ERBIN: variants seen among roughly 807,000 people sequenced by gnomAD.
The protein encoded by ERBIN is densin-180-like protein.
A neutral mutation model predicts 158.4 loss-of-function variants in ERBIN; 60 were observed. The observed-to-expected ratio is 0.38, with a 90% CI of 0.31 to 0.47. ERBIN has a LOEUF of 0.47. Ranked by LOEUF, ERBIN falls within the 20% of genes least tolerant of loss-of-function variation. The probability of loss-of-function intolerance (pLI) is 0.99; values close to 1 mark genes in which losing one functional copy is unlikely to be tolerated. For synonymous variants in ERBIN, 594 were observed against 557.2 expected (o/e 1.07, Z -0.93); for missense variants, 1,610 against 1,648.0 (o/e 0.98, Z 0.40).
Position 66,074,888 on chromosome 5 carries a change from G to T in ERBIN, c.3757-136G>T. The T allele has an allele frequency of 1.0e-5, 7 of 689,064 alleles. No individual in the cohort carries two copies. In the South Asian group the frequency reaches 1.3e-4, roughly 13 times the overall value. 42.7% of individuals were successfully genotyped at this position (689,064 alleles called of 1,614,324 possible). ...TAAGTTTTAAAATTATAGAAAAATA[G>T]TAAGTGGCATGGTATTGTTTGACTT... On this transcript the variant is annotated intron_variant, in intron 22 of 25. Coordinates refer to ENST00000284037, the MANE Select transcript of ERBIN (RefSeq NM_001253697.2).
chr5:66,030,929 T>A (rs932147292), intron 14 of ERBIN, among the ~76,000 whole-genome samples: 1 of 152,182 alleles, frequency 6.6e-6, no homozygotes, highest in African/African-American at 2.4e-5. Flanking sequence ...TGGTTCATTT[T>A]AATGAAATTA....
At chr5:66,011,089 CT>C (rs769677443) in intron 4 of ERBIN, among the ~76,000 whole-genome samples, 5 of 152,146 alleles carry the variant, frequency 3.3e-5, no homozygotes, top group Non-Finnish European at 5.9e-5. Flanking sequence ...TAATAGATCT[CT>C]TGAATATATC....
intron 25 of ERBIN, among the ~76,000 whole-genome samples, chr5:66,078,011 A>G (rs1359847373): frequency 6.6e-6 from 1 of 152,190 alleles, no homozygotes; most frequent in Non-Finnish European, 1.5e-5. Flanking sequence ...TGTTTGGTAC[A>G]CAGTAGAACC....
intron 21 of ERBIN, among the ~76,000 whole-genome samples, chr5:66,057,249 G>C (rs942488339): frequency 6.6e-6 from 1 of 152,086 alleles, no homozygotes; most frequent in Non-Finnish European, 1.5e-5. Flanking sequence ...GTGTATGTTA[G>C]GTGCAATGAA....
At chr5:66,029,825 A>T (rs1026465585) in intron 14 of ERBIN, among the ~76,000 whole-genome samples, 2 of 152,036 alleles carry the variant, frequency 1.3e-5, no homozygotes, top group African/African-American at 4.8e-5. Context: ...TCTTGACCTC[A>T]TGATCCGCTT....
chr5:65,984,932 T>A (rs1751055577), intron 1 of ERBIN: 1 of 152,174 alleles, frequency 6.6e-6, no homozygotes, highest in Non-Finnish European at 1.5e-5. Context: ...TTGATTTTAC[T>A]TTTCAATTTT....
intron 1 of ERBIN, among the ~76,000 whole-genome samples, chr5:65,977,298 AC>A (rs1378057199): frequency 3.9e-5 from 5 of 129,076 alleles, no homozygotes; most frequent in South Asian, 2.6e-4. Flanking sequence ...CGGGGGGCTG[AC>A]CCCCCCACCT....
intron 17 of ERBIN, among the ~76,000 whole-genome samples, chr5:66,044,848 G>A (rs1205370418): frequency 6.6e-6 from 1 of 151,878 alleles, no homozygotes; most frequent in Non-Finnish European, 1.5e-5. Context: ...AGGCCGAGGT[G>A]GGATGGTCAC....
Position 66,076,932 on chromosome 5 carries a change from G to T in ERBIN, c.4114G>T (p.Gly1372Cys), listed in dbSNP as rs774021520. ...ACCAGCATCAAAATTACTGCAGCCA[G>T]GTGATAAAATTATTCAGGTAATTAA... ...EGPASKLLQP[G>C]DKIIQANGYS... is the part of the protein sequence containing the mutation. The change falls in exon 25 of 26, where the codon GGT becomes TGT. Residue 1372 changes from glycine to cysteine, a missense_variant. Transcript: ENST00000284037. 1 of 1,605,868 alleles carries T rather than the reference G, an allele frequency of 6.2e-7. No homozygotes were observed. The highest frequency in any genetic ancestry group is 8.5e-7 in the Non-Finnish European group (1 of 1,174,520).
At position 66,046,579 on chromosome 5, in the gene ERBIN, T is replaced by C. The variant is rs752361033; in HGVS notation, c.1788+41T>C. Reference sequence around the variant, plus strand: ...TATTCTGGAGCAACTATAAGAACTTTCAATTTAATATTTTATTGTTGCTAA... The same window carrying C: ...TATTCTGGAGCAACTATAAGAACTTCCAATTTAATATTTTATTGTTGCTAA... On this transcript the variant is annotated intron_variant, in intron 18 of 25. Coordinates refer to ENST00000284037, the MANE Select transcript of ERBIN (RefSeq NM_001253697.2). 6 of 1,409,086 alleles carry C rather than the reference T, an allele frequency of 4.3e-6. No homozygotes were observed. In the South Asian group the frequency reaches 1.0e-4, roughly 24 times the overall value. The allele number at this position is 1,409,086 out of a possible 1,614,324, so 87.3% of individuals were successfully genotyped here.
intron 4 of ERBIN, among the ~76,000 whole-genome samples, chr5:66,010,568 C>T (rs1051238759): frequency 3.3e-5 from 5 of 152,158 alleles, no homozygotes; most frequent in Admixed American, 6.5e-5. Context: ...ACAGTTACTA[C>T]TGTGTCATTT....
chr5:65,933,242 C>T (rs1743662554), intron 1 of ERBIN, among the ~76,000 whole-genome samples: 1 of 151,842 alleles, frequency 6.6e-6, no homozygotes, highest in Non-Finnish European at 1.5e-5. Flanking sequence ...TTTGTTTTTT[C>T]TTCAAATACT....
intron 1 of ERBIN, among the ~76,000 whole-genome samples, chr5:65,956,900 G>A (rs1025113080): frequency 6.6e-6 from 1 of 151,048 alleles, no homozygotes; most frequent in East Asian, 2.0e-4. Flanking sequence ...CCCAAAACGG[G>A]GATTTTGAAA....
intron 4 of ERBIN, among the ~76,000 whole-genome samples, chr5:66,003,694 G>A (rs1445637450): frequency 1.3e-5 from 2 of 152,128 alleles, no homozygotes; most frequent in Non-Finnish European, 2.9e-5. Flanking sequence ...CTGTGAAATA[G>A]TTTTGTTCAG....
At chr5:65,981,366 AAG>A (rs1409344027) in intron 1 of ERBIN, among the ~76,000 whole-genome samples, 1 of 152,144 alleles carries the variant, frequency 6.6e-6, no homozygotes, top group African/African-American at 2.4e-5. Context: ...AGGACAGAAA[AAG>A]AAATTCAGAA....
At chr5:65,997,508 G>GGA in intron 4 of ERBIN, among the ~76,000 whole-genome samples, 1 of 152,218 alleles carries the variant, frequency 6.6e-6, no homozygotes, top group Middle Eastern at 3.4e-3. Flanking sequence ...TACCTCAGAA[G>GGA]GAGAGAGAAA....
In ERBIN at chr5:66,012,085, A is replaced by C. The variant is rs779994953; in HGVS notation, c.344A>C (p.Lys115Thr). Residue 115 changes from lysine (K) to threonine (T), a missense_variant, in exon 5 of 26, where the codon AAA (lysine) becomes ACA (threonine). By Grantham distance (78) the Lys-to-Thr change is moderately conservative (BLOSUM62 -1). Coordinates refer to ENST00000284037, the MANE Select transcript of ERBIN (RefSeq NM_001253697.2). ...QEFPENIKNC[K>T]VLTIVEASVN... Reference sequence around the variant, plus strand: ...TTTCCAGAAAATATAAAAAATTGTAAAGTTTTGACAATTGTGGAGGCCAGT... The same window carrying C: ...TTTCCAGAAAATATAAAAAATTGTACAGTTTTGACAATTGTGGAGGCCAGT... 6.2e-7 allele frequency: 1 copy of C among 1,607,208 alleles called. No individual in the cohort carries two copies. Among genetic ancestry groups the C allele is most frequent in the Non-Finnish European group, 8.5e-7 (1 of 1,176,340 alleles).
chr5:65,950,288 C>T (rs142614863), intron 1 of ERBIN, among the ~76,000 whole-genome samples: 1,783 of 152,266 alleles, frequency 0.012, 23 homozygotes, highest in Non-Finnish European at 0.014. Flanking sequence ...TACAGGCGCC[C>T]GGCCTCAGGT....
intron 14 of ERBIN, among the ~76,000 whole-genome samples, chr5:66,031,747 C>T (rs1192154885): frequency 6.6e-6 from 1 of 152,096 alleles, no homozygotes; most frequent in Non-Finnish European, 1.5e-5. Flanking sequence ...CTGGAGGATC[C>T]TTTGAGCCCA....
Sources: allele counts gnomAD v4.1 joint callset (sites outside exome capture counted in the v4.1 genomes callset), GRCh38; gene constraint gnomAD v4.1.1; transcripts MANE v1.5; gene names NCBI Gene and HGNC (gene_info 2026-07-23, HGNC 2026-07-21).